Variants in VWA5B2 observed in about 807,000 individuals in gnomAD.
VWA5B2 encodes the protein von Willebrand factor A domain containing 5B2, also known as von Willebrand factor A domain-containing protein 5B2.
Under a neutral mutation model 118.5 loss-of-function variants are expected in VWA5B2, and 93 were observed. The observed-to-expected ratio is 0.79, with a 90% confidence interval of 0.66 to 0.93. The LOEUF is 0.93. VWA5B2 is among the 40% of genes least tolerant of loss of function. The pLI, the probability that VWA5B2 is intolerant of heterozygous loss-of-function variation, is 0.00. For synonymous variants in VWA5B2, 708 were observed against 716.3 expected, an observed-to-expected ratio of 0.99 and a Z score of 0.19; for missense variants, 1,546 against 1,672.8, an observed-to-expected ratio of 0.92 and a Z score of 1.32.
In VWA5B2 at chr3:184,241,418, AGGTGGAGGGT is replaced by A; in HGVS notation, c.3180+19_3180+28del. The A allele has an allele frequency of 6.3e-7, 1 of 1,576,946 alleles. No individual in the cohort carries two copies. The highest frequency in any genetic ancestry group is 8.6e-7 in the Non-Finnish European group (1 of 1,160,444). ...TACCTGCCCTTGGTGAGGACTCGGG[AGGTGGAGGGT>A]GGTGCCGCCGGGGCCGGGCGCTGTT... On this transcript the variant is annotated intron_variant, in intron 19 of 19. Transcript: ENST00000691901. This position sits in a 1 kb window ranked among gnomAD's most constrained non-coding sequence, Gnocchi z 5.1.
chr3:184,233,824 G>C lies in VWA5B2; in HGVS notation c.688+91G>C. On this transcript the variant is annotated intron_variant, in intron 5 of 19. Transcript: ENST00000691901. This position sits in a 1 kb window ranked among gnomAD's most constrained non-coding sequence, Gnocchi z 5.2. Reference sequence around the variant, plus strand: ...GGGAAATAAGGCTCAGGGATAGGAGGGACACAGGACAAAAAGACAGGGACC... The same window carrying C: ...GGGAAATAAGGCTCAGGGATAGGAGCGACACAGGACAAAAAGACAGGGACC... 2 of 1,471,384 alleles carry C rather than the reference G, an allele frequency of 1.4e-6. No individual in the cohort carries two copies. The highest frequency in any genetic ancestry group is 1.4e-5 in the South Asian group (1 of 73,110). The allele number at this position is 1,471,384 out of a possible 1,614,324, so 91.1% of individuals were successfully genotyped here.
At chr3:184,240,949 CCTCTCAGGTGCAG>C (rs1188221538) in intron 17 of VWA5B2, 21 bp downstream of exon 17, 1 of 1,551,406 alleles carries the variant, frequency 6.4e-7, no homozygotes, top group Non-Finnish European at 8.7e-7. Context: ...CTTCTGGTGA[CCTCTCAGGTGCAG>C]CTCTCACCTC....
intron 7 of VWA5B2, 25 bp downstream of exon 7, chr3:184,234,780 G>A (rs933795537): frequency 3.2e-6 from 5 of 1,550,808 alleles, no homozygotes; most frequent in Non-Finnish European, 4.4e-6. Context: ...GCCTGGCCTG[G>A]CCCCTGGCCT....
chr3:184,234,308 C>T lies in VWA5B2; in HGVS notation c.731C>T (p.Pro244Leu). The change falls in exon 6 of 20, where the codon CCT (proline) becomes CTT (leucine). Residue 244 changes from proline (P) to leucine (L), a missense_variant. Coordinates refer to ENST00000691901, the MANE Select transcript of VWA5B2 (RefSeq NM_001390846.1). ...PSHALRADAPPHASSAATICV... is the reference protein window; with the variant it reads ...PSHALRADAPLHASSAATICV... The stretch of plus-strand genomic sequence containing the variant: ...CATGCTCTGCGGGCAGATGCCCCCC[C>T]TCATGCCAGCTCTGCAGCCACCATC... 6.4e-7 allele frequency: 1 copy of T among 1,551,736 alleles called. No homozygotes were observed. Among genetic ancestry groups the T allele is most frequent in the Non-Finnish European group, 8.7e-7 (1 of 1,147,004 alleles).
chr3:184,231,227 T>C (rs960010392), intron 3 of VWA5B2, among the ~76,000 whole-genome samples: 7 of 152,154 alleles, frequency 4.6e-5, no homozygotes, highest in African/African-American at 1.4e-4. Flanking sequence ...CCTTCTCCCC[T>C]GGTGGTCCCC....
In VWA5B2 at chr3:184,239,506, A is replaced by T; in HGVS notation, c.2315A>T (p.Lys772Ile). ...RANQVPGRPR[K>I]PSLGAILDGP... Reference sequence around the variant, plus strand: ...AACCAAGTCCCCGGCCGACCCCGGAAACCCTCTTTGGGTGCAATACTAGAT... The same window carrying T: ...AACCAAGTCCCCGGCCGACCCCGGATACCCTCTTTGGGTGCAATACTAGAT... Residue 772 changes from lysine to isoleucine, a missense_variant, in exon 15 of 20, where the codon AAA becomes ATA. Physicochemically the swap from Lys to Ile is moderately radical, Grantham distance 102. This residue lies in a region of VWA5B2 where 763 missense variants were observed against 766.6 expected (regional missense o/e 1.00). Transcript: ENST00000691901. This position sits in a 1 kb window ranked among gnomAD's most constrained non-coding sequence, Gnocchi z 5.1. 1 of 1,549,858 alleles carries T rather than the reference A, an allele frequency of 6.5e-7. No individual in the cohort carries two copies. The highest frequency in any genetic ancestry group is 1.4e-5 in the African/African-American group (1 of 72,858).
rs773166207 is a variant in VWA5B2 at position 184,241,609 on chromosome 3, C to T, written c.3300C>T (p.Leu1100=). The T allele has an allele frequency of 1.3e-4, 201 of 1,543,764 alleles. No individual in the cohort carries two copies. Among genetic ancestry groups the T allele is most frequent in the Non-Finnish European group, 1.7e-4 (191 of 1,146,620 alleles). ...ASPFAVHRAS[L]SPTSASLPWA... Reference sequence around the variant, plus strand: ...CCTTTGCCGTGCACCGCGCCAGCCTCAGCCCCACCTCGGCCTCATTGCCCT... The same window carrying T: ...CCTTTGCCGTGCACCGCGCCAGCCTTAGCCCCACCTCGGCCTCATTGCCCT... The change falls in exon 20 of 20, where the codon CTC becomes CTT. Residue 1100 remains leucine (L), a synonymous_variant. Coordinates refer to ENST00000691901, the MANE Select transcript of VWA5B2 (RefSeq NM_001390846.1). This position sits in a 1 kb window ranked among gnomAD's most constrained non-coding sequence, Gnocchi z 5.1.
Position 184,236,430 on chromosome 3 carries a change from G to C in VWA5B2, c.1300G>C (p.Val434Leu). The C allele has an allele frequency of 6.5e-7, 1 of 1,546,998 alleles. No homozygotes were observed. Among genetic ancestry groups the C allele is most frequent in the Middle Eastern group, 1.7e-4 (1 of 5,990 alleles). Reference protein sequence around the residue: ...PDVLAALDWAVGQPQHRAYPR... With the variant: ...PDVLAALDWALGQPQHRAYPR... ...CGTGCTGGCTGCTCTGGACTGGGCCGTGGGGCAGCCCCAGCACAGGGCCTA... is the reference window on the plus strand; with the variant it reads ...CGTGCTGGCTGCTCTGGACTGGGCCCTGGGGCAGCCCCAGCACAGGGCCTA... Residue 434 changes from valine to leucine, a missense_variant, in exon 10 of 20, where the codon GTG becomes CTG. By Grantham distance (32) the Val-to-Leu change is conservative. This residue lies in a region of VWA5B2 where 775 missense variants were observed against 882.3 expected (regional missense o/e 0.88). Transcript: ENST00000691901.
At chr3:184,230,233 G>A (rs932963831) in intron 1 of VWA5B2, among the ~76,000 whole-genome samples, 147 bp from the exon 2 acceptor site, 1 of 152,162 alleles carries the variant, frequency 6.6e-6, no homozygotes, top group Admixed American at 6.5e-5. Context: ...CCCACCCCCG[G>A]GGGAGCCGCG....
chr3:184,231,919 G>C (rs1412390693), intron 3 of VWA5B2, among the ~76,000 whole-genome samples: 1 of 152,234 alleles, frequency 6.6e-6, no homozygotes, highest in Admixed American at 6.5e-5. Context: ...GAATGTTCCA[G>C]AAGGAGGTAG....
Position 184,241,537 on chromosome 3 carries a change from C to T in VWA5B2, c.3228C>T (p.Phe1076=). Residue 1076 remains phenylalanine, a synonymous_variant, in exon 20 of 20, where the codon TTC becomes TTT. Coordinates refer to ENST00000691901, the MANE Select transcript of VWA5B2 (RefSeq NM_001390846.1). The surrounding 1 kb of genome is among the most constrained non-coding windows in gnomAD (Gnocchi z 5.1). ...APGSFRLDAP[F]CAAVRISQER... Reference sequence around the variant, plus strand: ...GCTCCTTCCGCCTGGACGCGCCCTTCTGCGCCGCTGTGCGCATCTCGCAGG... The same window carrying T: ...GCTCCTTCCGCCTGGACGCGCCCTTTTGCGCCGCTGTGCGCATCTCGCAGG... 1.3e-6 allele frequency: 2 copies of T among 1,549,972 alleles called. No homozygotes were observed. The highest frequency in any genetic ancestry group is 1.7e-6 in the Non-Finnish European group (2 of 1,146,808).
intron 8 of VWA5B2, among the ~76,000 whole-genome samples, chr3:184,235,716 G>T (rs570403374): frequency 7.1e-6 from 1 of 141,230 alleles, no homozygotes; most frequent in East Asian, 2.2e-4. Context: ...ACAGCCATGT[G>T]TACCTCCAGA....
intron 5 of VWA5B2, 147 bp from the exon 6 acceptor site, chr3:184,234,119 A>C (rs1717702674): frequency 9.4e-7 from 1 of 1,066,696 alleles, no homozygotes; most frequent in South Asian, 1.6e-5. Context: ...CAGCCCATGA[A>C]AGCAGGCACA....
At position 184,241,039 on chromosome 3, in the gene VWA5B2, C is replaced by A. The variant is rs772713020; in HGVS notation, c.2894C>A (p.Pro965Gln). 17 of 1,551,684 alleles carry A rather than the reference C, an allele frequency of 1.1e-5. No homozygotes were observed. Among genetic ancestry groups the A allele is most frequent in the Admixed American group, 2.0e-5 (1 of 51,000 alleles). Residue 965 changes from proline (P) to glutamine (Q), a missense_variant, in exon 18 of 20, where the codon CCA becomes CAA. Physicochemically the swap from Pro to Gln is moderately conservative, Grantham distance 76. Coordinates refer to ENST00000691901, the MANE Select transcript of VWA5B2 (RefSeq NM_001390846.1). This position sits in a 1 kb window ranked among gnomAD's most constrained non-coding sequence, Gnocchi z 5.1. ...QVCSSEPAEP[P>Q]GTPPASHSHL... ...GCCCCTGCAGAGCCCGCTGAGCCCC[C>A]AGGAACCCCTCCTGCCTCTCACAGC...
Position 184,234,067 on chromosome 3 carries a change from T to TG in VWA5B2, c.689-198dup, listed in dbSNP as rs535731516. ...GCTAAATCAGCACCTGGCTGATGCA[T>TG]GACTCTTCGACCAGCCAGAAACCCT... On this transcript the variant is annotated intron_variant, in intron 5 of 19. Coordinates refer to ENST00000691901, the MANE Select transcript of VWA5B2 (RefSeq NM_001390846.1). Among the ~76,000 whole-genome samples, 364 of 152,308 alleles carry TG rather than the reference T, an allele frequency of 2.4e-3. 4 individuals carry two copies. Among genetic ancestry groups the TG allele is most frequent in the Middle Eastern group, 3.4e-3 (1 of 294 alleles).
At position 184,242,191 on chromosome 3, in the gene VWA5B2, CA is replaced by C; in HGVS notation, c.*158del. ...CCTCCCTAGAGCCCTCTTGCCCCCA[CA>C]AAAAGTGCCTGCCTGTGCTCTCTCC... On this transcript the variant is annotated 3_prime_UTR_variant, in exon 20 of 20. Transcript: ENST00000691901. 2.0e-6 allele frequency: 2 copies of C among 1,002,286 alleles called. No homozygotes were observed. The highest frequency in any genetic ancestry group is 2.9e-6 in the Non-Finnish European group (2 of 689,986). 62.1% of individuals were successfully genotyped at this position (1,002,286 alleles called of 1,614,324 possible).
Position 184,241,260 on chromosome 3 carries a change from C to T in VWA5B2, c.3036C>T (p.Asp1012=). The T allele has an allele frequency of 6.4e-7, 1 of 1,551,302 alleles. No homozygotes were observed. Among genetic ancestry groups the T allele is most frequent in the African/African-American group, 1.4e-5 (1 of 73,160 alleles). The change falls in exon 19 of 20, where the codon GAC becomes GAT. Residue 1012 remains aspartate (D), a synonymous_variant. Transcript: ENST00000691901. The surrounding 1 kb of genome is among the most constrained non-coding windows in gnomAD (Gnocchi z 5.1). The stretch of plus-strand genomic sequence containing the variant: ...GCAACTCCAAGCGTGCTTTGGGGGA[C>T]CCTGCCACTCCCACGGAAGGTCCTC... ...QNGNSKRALG[D]PATPTEGPRR...
intron 16 of VWA5B2, chr3:184,240,543 T>A (rs1718474893): frequency 1.8e-6 from 1 of 548,664 alleles, no homozygotes; most frequent in Non-Finnish European, 3.2e-6. Context: ...ATGCTTCCTC[T>A]GGGTGTTGTC....
chr3:184,235,198 C>A lies in VWA5B2; in HGVS notation c.991C>A (p.Pro331Thr), dbSNP rs770226647. ...CTTCCACAAGGACATCCTGCTGAAC[C>A]CCGTGCTGGCGCTGAGCTTCTGCCC... The part of the protein sequence containing the change: ...RRFHKDILLN[P>T]VLALSFCPDL... Residue 331 changes from proline to threonine, a missense_variant, in exon 8 of 20, where the codon CCC (proline) becomes ACC (threonine). By Grantham distance (38) the Pro-to-Thr change is conservative. Around this residue, in one of 3 missense-constraint regions of VWA5B2, gnomAD observed 775 missense variants for 882.3 expected, o/e 0.88. Transcript: ENST00000691901. 3 of 1,551,608 alleles carry A rather than the reference C, an allele frequency of 1.9e-6. No homozygotes were observed. The highest frequency in any genetic ancestry group is 2.6e-6 in the Non-Finnish European group (3 of 1,146,996).
Sources: allele counts gnomAD v4.1 joint callset (sites outside exome capture counted in the v4.1 genomes callset), GRCh38; gene constraint gnomAD v4.1.1; regional missense constraint gnomAD v4.1.1; non-coding constraint Gnocchi (gnomAD v3.1); transcripts MANE v1.5; gene names NCBI Gene and HGNC (gene_info 2026-07-23, HGNC 2026-07-21).